PIGU: variants seen among roughly 807,000 people sequenced by gnomAD.
PIGU encodes the protein GPI-anchor transamidase component PIGU.
Under a neutral mutation model 49.9 loss-of-function variants are expected in PIGU, and 24 were observed. That is an observed-to-expected ratio of 0.48 (90% confidence interval 0.35 to 0.68). The LOEUF (loss-of-function observed/expected upper bound fraction) is 0.68. Among genes scored for constraint, PIGU ranks in the 30% least tolerant of loss-of-function variants. The pLI is 0.01. For missense variants in PIGU, 490 were observed against 532.6 expected (o/e 0.92, Z 0.79); for synonymous variants, 220 against 205.7 (o/e 1.07, Z -0.59).
At chr20:34,636,136 G>A (rs1985954957) in intron 5 of PIGU, among the ~76,000 whole-genome samples, 1 of 152,164 alleles carries the variant, frequency 6.6e-6, no homozygotes, top group African/African-American at 2.4e-5. Flanking sequence ...AGGAGGTAGA[G>A]GCTACAGTGA....
intron 7 of PIGU, among the ~76,000 whole-genome samples, chr20:34,609,755 A>T (rs1984746363): frequency 6.6e-6 from 1 of 152,098 alleles, no homozygotes; most frequent in African/African-American, 2.4e-5. Flanking sequence ...GGCCCAGGTG[A>T]TATAATTTGG....
chr20:34,598,011 C>G (rs1031019924), intron 7 of PIGU, among the ~76,000 whole-genome samples: 5 of 151,896 alleles, frequency 3.3e-5, no homozygotes, highest in Non-Finnish European at 2.9e-5. Context: ...TCGAGACCAG[C>G]CTGGGCAACA....
intron 6 of PIGU, among the ~76,000 whole-genome samples, chr20:34,628,264 C>T (rs1332167266): frequency 6.6e-6 from 1 of 152,090 alleles, no homozygotes; most frequent in African/African-American, 2.4e-5. Flanking sequence ...GGGAGGACAG[C>T]TTGAGCCCAG....
intron 11 of PIGU, 75 bp from the exon 12 acceptor site, chr20:34,561,054 G>GTGT (rs1262876791): frequency 4.5e-6 from 5 of 1,112,360 alleles, no homozygotes; most frequent in Non-Finnish European, 6.5e-6. Context: ...CTGCTGGCAG[G>GTGT]TGTTGTTGGA....
chr20:34,659,092 C>A (rs1381028378), intron 1 of PIGU, among the ~76,000 whole-genome samples: 9 of 138,542 alleles, frequency 6.5e-5, no homozygotes, highest in South Asian at 4.6e-4. Context: ...GTCAGCCCCC[C>A]ACCCGGCCAG....
At chr20:34,638,960 A>G (rs1385391604) in intron 4 of PIGU, among the ~76,000 whole-genome samples, 1 of 152,250 alleles carries the variant, frequency 6.6e-6, no homozygotes, top group Non-Finnish European at 1.5e-5. Context: ...CAATGCTGCT[A>G]TCTATTAGAA....
chr20:34,667,474 T>A (rs201571471), intron 1 of PIGU, among the ~76,000 whole-genome samples: 19 of 146,350 alleles, frequency 1.3e-4, no homozygotes, highest in East Asian at 9.9e-4. Flanking sequence ...AAAGTGCTTT[T>A]AAAAAAAAAA....
intron 11 of PIGU, among the ~76,000 whole-genome samples, chr20:34,571,775 C>A (rs1297121535): frequency 6.6e-6 from 1 of 152,170 alleles, no homozygotes; most frequent in Non-Finnish European, 1.5e-5. Context: ...TGAAATGTCT[C>A]ATTTTGCACT....
chr20:34,641,895 T>G (rs1298074162), intron 4 of PIGU, among the ~76,000 whole-genome samples: 4 of 152,202 alleles, frequency 2.6e-5, no homozygotes, highest in African/African-American at 9.7e-5. Flanking sequence ...CCTAATGTTC[T>G]AATAGTCTGA....
rs1470280904 is a variant in PIGU, at chr20:34,588,567, C to G, written c.668G>C (p.Trp223Ser). The part of the protein sequence containing the change: ...IPVKMKSKAF[W>S]IFSWEYAMMY... ...CATGGCATACTCCCAAGAAAAGATC[C>G]AGAAGGCTTTGCTCTTCATTTTCAC... The change falls in exon 8 of 12, where the codon TGG (tryptophan) becomes TCG (serine). Residue 223 changes from tryptophan (W) to serine (S), a missense_variant. Coordinates refer to ENST00000217446, the MANE Select transcript of PIGU (RefSeq NM_080476.5). 6.2e-7 allele frequency: 1 copy of G among 1,614,040 alleles called. No individual in the cohort carries two copies. Among genetic ancestry groups the G allele is most frequent in the Non-Finnish European group, 8.5e-7 (1 of 1,179,956 alleles).
intron 8 of PIGU, 138 bp downstream of exon 8, chr20:34,588,315 A>T: frequency 1.3e-6 from 1 of 798,812 alleles, no homozygotes; most frequent in South Asian, 2.6e-5. Context: ...ATCAAATGGT[A>T]ATTCTATTTT....
At chr20:34,591,045 T>C (rs977026267) in intron 7 of PIGU, among the ~76,000 whole-genome samples, 6 of 150,794 alleles carry the variant, frequency 4.0e-5, no homozygotes, top group Admixed American at 2.6e-4. Flanking sequence ...AAAAAATATA[T>C]ATATATATGA....
chr20:34,594,390 T>C (rs1248589999), intron 7 of PIGU, among the ~76,000 whole-genome samples: 1 of 152,152 alleles, frequency 6.6e-6, no homozygotes, highest in Non-Finnish European at 1.5e-5. Context: ...CACAATGGCG[T>C]ACTACACAGC....
intron 4 of PIGU, among the ~76,000 whole-genome samples, chr20:34,641,330 C>T (rs557570734): frequency 1.1e-4 from 16 of 152,314 alleles, no homozygotes; most frequent in Admixed American, 9.2e-4. Context: ...TCCTCTCCAA[C>T]TGTTAGCCTC....
chr20:34,588,668 C>T, intron 7 of PIGU, 61 bp from the exon 8 acceptor site: 1 of 1,504,416 alleles, frequency 6.6e-7, no homozygotes, highest in Non-Finnish European at 9.0e-7. Context: ...CAGCTATTAG[C>T]TTACACTTAA....
In PIGU at chr20:34,650,700, C is replaced by CTTTTTTTTTTTTT. The variant is rs59998699; in HGVS notation, c.196-5379_196-5367dup. ...AATTTTTTTCCTTTTCTTTTTTTCT[C>CTTTTTTTTTTTTT]TTTTTTTTTTTTTTTTTTTTTTTTT... On this transcript the variant is annotated intron_variant, in intron 2 of 11. Transcript: ENST00000217446. 3.2e-3 allele frequency among the ~76,000 whole-genome samples: 125 copies of CTTTTTTTTTTTTT among 38,796 alleles called. 36 individuals carry two copies. Among genetic ancestry groups the CTTTTTTTTTTTTT allele is most frequent in the East Asian group, 3.6e-3 (4 of 1,096 alleles). The allele number at this position is 38,796 out of a possible 152,430, so 25.5% of individuals were successfully genotyped here.
In PIGU at chr20:34,595,114, A is replaced by G. The variant is rs868483936; in HGVS notation, c.628-6507T>C. On this transcript the variant is annotated intron_variant, in intron 7 of 11. Transcript: ENST00000217446. ...CCGTCTCAAAAAAAAAAAAAAAAAAAAAAAGAAAAGAAAATATACATATAT... is the reference window on the plus strand; with the variant it reads ...CCGTCTCAAAAAAAAAAAAAAAAAAGAAAAGAAAAGAAAATATACATATAT... 1.6e-3 allele frequency among the ~76,000 whole-genome samples: 236 copies of G among 149,162 alleles called. 1 individual carries two copies. Among genetic ancestry groups the G allele is most frequent in the African/African-American group, 4.9e-3 (196 of 40,240 alleles).
chr20:34,608,221 C>CCCACCA (rs1984688610), intron 7 of PIGU, among the ~76,000 whole-genome samples: 1 of 151,954 alleles, frequency 6.6e-6, no homozygotes, highest in South Asian at 2.1e-4. Flanking sequence ...ATTACAGGCA[C>CCCACCA]CCACCACCAT....
At chr20:34,588,670 T>G in intron 7 of PIGU, 63 bp from the exon 8 acceptor site, 2 of 1,500,236 alleles carry the variant, frequency 1.3e-6, no homozygotes, top group Non-Finnish European at 1.8e-6. Context: ...GCTATTAGCT[T>G]ACACTTAAAG....
Sources: gnomAD v4.1 joint callset for allele counts (sites outside exome capture counted in the v4.1 genomes callset) on GRCh38, gnomAD v4.1.1 for gene constraint, MANE v1.5 for transcripts, NCBI Gene and HGNC (gene_info 2026-07-23, HGNC 2026-07-21) for gene names.